PCDH15: variants seen among roughly 807,000 people sequenced by gnomAD.
The protein encoded by PCDH15 is protocadherin-15.
PCDH15 carries 129 observed loss-of-function variants against 178.5 expected under a neutral mutation model. The observed-to-expected ratio is 0.72, with a 90% CI of 0.63 to 0.84. PCDH15 has a LOEUF of 0.84. Ranked by LOEUF, PCDH15 falls within the 40% of genes least tolerant of loss-of-function variation. The pLI, the probability that PCDH15 is intolerant of heterozygous loss-of-function variation, is 0.00. For missense variants in PCDH15, 2,230 were observed against 2,099.9 expected (o/e 1.06, Z -1.21); for synonymous variants, 800 against 732.0 (o/e 1.09, Z -1.50).
intron 2 of PCDH15, among the ~76,000 whole-genome samples, chr10:55,516,984 T>A (rs1841028516): frequency 6.6e-6 from 1 of 151,832 alleles, no homozygotes. Context: ...TTCTCCAAAA[T>A]GAGTACAGAA....
chr10:53,896,574 A>G (rs527979970), intron 26 of PCDH15, among the ~76,000 whole-genome samples: 3 of 151,998 alleles, frequency 2.0e-5, no homozygotes, highest in Non-Finnish European at 4.4e-5. Flanking sequence ...GGGGTCCCCA[A>G]CCCTCAGGCC....
chr10:54,238,365 A>G (rs561221600), intron 8 of PCDH15, among the ~76,000 whole-genome samples: 6 of 152,110 alleles, frequency 3.9e-5, no homozygotes, highest in Non-Finnish European at 7.4e-5. Flanking sequence ...TTGATTTTAT[A>G]TTGAAGTTAT....
At chr10:54,530,069 A>T (rs2083756513) in intron 2 of PCDH15, among the ~76,000 whole-genome samples, 1 of 152,050 alleles carries the variant, frequency 6.6e-6, no homozygotes, top group Admixed American at 6.6e-5. Flanking sequence ...AGAAGGGGAA[A>T]TTTGGATATA....
chr10:54,800,271 G>A (rs921493015), intron 1 of PCDH15, among the ~76,000 whole-genome samples: 1 of 152,158 alleles, frequency 6.6e-6, no homozygotes, highest in Non-Finnish European at 1.5e-5. Context: ...AAGTGGGAAA[G>A]CTGTTAATAC....
intron 2 of PCDH15, among the ~76,000 whole-genome samples, chr10:54,647,829 G>C (rs981762861): frequency 2.6e-5 from 4 of 152,066 alleles, no homozygotes; most frequent in African/African-American, 9.7e-5. Flanking sequence ...AGTGGTGAAT[G>C]TTTTTATCAT....
chr10:55,597,980 G>A (rs61284350), intron 2 of PCDH15, among the ~76,000 whole-genome samples: 49,832 of 151,788 alleles, frequency 0.33, 8,644 homozygotes, highest in African/African-American at 0.44. Context: ...CAGATCACCT[G>A]GTTCAAAAGA....
intron 2 of PCDH15, among the ~76,000 whole-genome samples, chr10:55,525,788 T>C (rs1036100311): frequency 6.6e-6 from 1 of 151,938 alleles, no homozygotes; most frequent in Non-Finnish European, 1.5e-5. Context: ...AAGTAACTCC[T>C]AAATCTGTCT....
intron 2 of PCDH15, among the ~76,000 whole-genome samples, chr10:55,076,531 G>C (rs777021576): frequency 7.3e-5 from 11 of 150,968 alleles, no homozygotes; most frequent in African/African-American, 2.7e-4. Flanking sequence ...AGTTCACTGC[G>C]ACCTCTGCCT....
chr10:54,143,694 GAGTCTGGATAA>G (rs1229515517), intron 14 of PCDH15, among the ~76,000 whole-genome samples: 6 of 152,044 alleles, frequency 3.9e-5, no homozygotes, highest in Non-Finnish European at 8.8e-5. Context: ...TTGTTTTTCA[GAGTCTGGATAA>G]TTTTTTAGAT....
At chr10:54,098,302 T>C (rs2094740419) in intron 15 of PCDH15, among the ~76,000 whole-genome samples, 1 of 151,994 alleles carries the variant, frequency 6.6e-6, no homozygotes, top group African/African-American at 2.4e-5. Context: ...GGGAACAGTT[T>C]GTTCTGGGCA....
At chr10:55,614,130 A>C (rs1843428549) in intron 2 of PCDH15, among the ~76,000 whole-genome samples, 1 of 151,942 alleles carries the variant, frequency 6.6e-6, no homozygotes, top group African/African-American at 2.4e-5. Flanking sequence ...AAAAAAAGAA[A>C]AGTAACAAAA....
chr10:53,809,736 A>T (rs2075798246), intron 37 of PCDH15, among the ~76,000 whole-genome samples: 1 of 152,174 alleles, frequency 6.6e-6, no homozygotes, highest in African/African-American at 2.4e-5. Context: ...AAAGTAAATT[A>T]TTTTATTTTA....
At chr10:54,643,786 T>C (rs544392338) in intron 2 of PCDH15, among the ~76,000 whole-genome samples, 1 of 147,186 alleles carries the variant, frequency 6.8e-6, no homozygotes, top group African/African-American at 2.6e-5. Context: ...TTTTTTTTTT[T>C]GGCTTAGCTC....
chr10:54,154,605 A>G (rs1325514753), intron 13 of PCDH15, among the ~76,000 whole-genome samples: 1 of 152,192 alleles, frequency 6.6e-6, no homozygotes, highest in African/African-American at 2.4e-5. Context: ...AATATCCTCA[A>G]TAAATGTAAA....
chr10:54,996,966 G>A (rs559970379), intron 2 of PCDH15, among the ~76,000 whole-genome samples: 22 of 152,042 alleles, frequency 1.4e-4, no homozygotes, highest in African/African-American at 4.1e-4. Context: ...AAAATTAGCC[G>A]GGTGTAGTGG....
At chr10:53,875,239 T>C (rs4466737) in intron 26 of PCDH15, among the ~76,000 whole-genome samples, 96,676 of 151,838 alleles carry the variant, frequency 0.64, 31,499 homozygotes, top group Middle Eastern at 0.78. Flanking sequence ...AGAACCCACA[T>C]GTCATATAGA....
intron 2 of PCDH15, among the ~76,000 whole-genome samples, chr10:55,406,589 G>A (rs1296729727): frequency 6.6e-6 from 1 of 152,138 alleles, no homozygotes; most frequent in East Asian, 1.9e-4. Flanking sequence ...TACCAGCTTT[G>A]TTGGTATCAC....
intron 1 of PCDH15, among the ~76,000 whole-genome samples, chr10:54,729,253 A>C (rs969100805): frequency 6.6e-6 from 1 of 151,672 alleles, no homozygotes; most frequent in African/African-American, 2.4e-5. Flanking sequence ...TAAAGAACAC[A>C]GAAATAAAGC....
chr10:54,632,690 T>C (rs2093734737), intron 2 of PCDH15, among the ~76,000 whole-genome samples: 1 of 152,072 alleles, frequency 6.6e-6, no homozygotes, highest in Non-Finnish European at 1.5e-5. Flanking sequence ...TCCTCCTTCT[T>C]CCATTCTGAA....
Sources: allele counts gnomAD v4.1 joint callset (sites outside exome capture counted in the v4.1 genomes callset), GRCh38; gene constraint gnomAD v4.1.1; transcripts MANE v1.5; gene names NCBI Gene and HGNC (gene_info 2026-07-23, HGNC 2026-07-21).